The following EDIL3 variants were observed in gnomAD, a reference collection of about 807,000 sequenced individuals.
EDIL3 encodes EGF like and discoidin domains 3.
In EDIL3, 37 loss-of-function variants were observed where a neutral mutation model predicts 67.4. That is an observed-to-expected ratio of 0.55 (90% CI 0.42 to 0.72). The LOEUF (loss-of-function observed/expected upper bound fraction) is 0.72, where lower values mean the gene tolerates loss of function less well. Among genes scored for constraint, EDIL3 ranks in the 30% least tolerant of loss-of-function variants. The pLI, the probability that EDIL3 is intolerant of heterozygous loss-of-function variation, is 0.00. For missense variants in EDIL3, 527 were observed against 586.3 expected, an observed-to-expected ratio of 0.90 and a Z score of 1.04; for synonymous variants, 195 against 196.3, an observed-to-expected ratio of 0.99 and a Z score of 0.05.
chr5:84,023,255 T>G lies in EDIL3; in HGVS notation c.1137+37045A>C, dbSNP rs112335592. On this transcript the variant is annotated intron_variant, in intron 9 of 10. Coordinates refer to ENST00000296591, the MANE Select transcript of EDIL3 (RefSeq NM_005711.5). ...CAATTTTTACTTCTCAATTAAATAT[T>G]TTAAAATATAAACAAAAAGCAAACA... 5.3e-3 allele frequency among the ~76,000 whole-genome samples: 809 copies of G among 151,988 alleles called. 5 individuals carry two copies. Among genetic ancestry groups the G allele is most frequent in the African/African-American group, 0.017 (701 of 41,506 alleles).
intron 3 of EDIL3, among the ~76,000 whole-genome samples, chr5:84,202,340 G>A (rs1743861392): frequency 6.6e-6 from 1 of 152,130 alleles, no homozygotes; most frequent in African/African-American, 2.4e-5. Context: ...TTCTGGATGA[G>A]CTTTCTCCTG....
intron 4 of EDIL3, among the ~76,000 whole-genome samples, chr5:84,176,755 A>ATGTGTG (rs3046874): frequency 6.7e-6 from 1 of 149,834 alleles, no homozygotes; most frequent in Non-Finnish European, 1.5e-5. Context: ...GTGTGTATAT[A>ATGTGTG]TGTGTGTGTG....
At chr5:84,341,818 AAT>A (rs1044376554) in intron 1 of EDIL3, among the ~76,000 whole-genome samples, 90 of 152,162 alleles carry the variant, frequency 5.9e-4, no homozygotes, top group African/African-American at 2.2e-3. Context: ...ATCTAAATAT[AAT>A]ATCTCTTTTA....
intron 9 of EDIL3, among the ~76,000 whole-genome samples, chr5:84,051,049 T>G (rs1452516935): frequency 6.6e-6 from 1 of 152,196 alleles, no homozygotes; most frequent in Non-Finnish European, 1.5e-5. Flanking sequence ...GTAGCCTATC[T>G]GGGAGGCACC....
rs114215781 is a variant in EDIL3, at chr5:84,084,178, C to G, written c.652-17572G>C. Among the ~76,000 whole-genome samples the G allele has an allele frequency of 4.4e-3, 665 of 152,228 alleles. 6 individuals carry two copies. Among genetic ancestry groups the G allele is most frequent in the African/African-American group, 0.015 (610 of 41,542 alleles). On this transcript the variant is annotated intron_variant, in intron 6 of 10. Coordinates refer to ENST00000296591, the MANE Select transcript of EDIL3 (RefSeq NM_005711.5). ...AGGGAAAATATAGAGTATATCTCAT[C>G]AGTTAAAAATAGTAATTTTGCCAAA...
At chr5:84,107,926 A>C (rs947758119) in intron 5 of EDIL3, among the ~76,000 whole-genome samples, 2 of 151,060 alleles carry the variant, frequency 1.3e-5, no homozygotes, top group East Asian at 3.9e-4. Flanking sequence ...TATTTTGCCA[A>C]TTTAGATTTG....
chr5:84,107,362 G>A (rs960973069), intron 5 of EDIL3, among the ~76,000 whole-genome samples: 1 of 151,732 alleles, frequency 6.6e-6, no homozygotes, highest in African/African-American at 2.4e-5. Context: ...AAAGGGAAAT[G>A]GGTAAATCTG....
At chr5:84,365,928 C>T (rs1747723813) in intron 1 of EDIL3, among the ~76,000 whole-genome samples, 1 of 152,060 alleles carries the variant, frequency 6.6e-6, no homozygotes, top group Non-Finnish European at 1.5e-5. Context: ...TTTATCCACA[C>T]TCGAGGAATG....
chr5:84,039,827 T>C (rs1746087919), intron 9 of EDIL3, among the ~76,000 whole-genome samples: 1 of 151,822 alleles, frequency 6.6e-6, no homozygotes, highest in Non-Finnish European at 1.5e-5. Flanking sequence ...AATAATAAAA[T>C]AAAATAAAAT....
chr5:84,252,493 CAA>C lies in EDIL3; in HGVS notation c.196+1589_196+1590del, dbSNP rs70975548. Among the ~76,000 whole-genome samples, 250 of 28,936 alleles carry C rather than the reference CAA, an allele frequency of 8.6e-3. 5 individuals carry two copies. Among genetic ancestry groups the C allele is most frequent in the East Asian group, 0.044 (16 of 366 alleles). 19.0% of individuals were successfully genotyped at this position (28,936 alleles called of 152,430 possible). ...TGTGCGACAAAGTGAGACTCCGTCT[CAA>C]AAAAAAAAAAAAAAAAAAAAAAATT... is the stretch of plus-strand genomic sequence containing the variant. On this transcript the variant is annotated intron_variant, in intron 2 of 10. Transcript: ENST00000296591.
chr5:84,075,483 C>CTTCTTCTTCTTCTTCTTCTTCTTA (rs751286945), intron 6 of EDIL3, among the ~76,000 whole-genome samples: 4 of 150,974 alleles, frequency 2.6e-5, no homozygotes, highest in African/African-American at 9.8e-5. Flanking sequence ...TCTTCTTCTT[C>CTTCTTCTTCTTCTTCTTCTTCTTA]TTATTATTTT....
chr5:84,046,017 G>C lies in EDIL3; in HGVS notation c.1137+14283C>G, dbSNP rs1057506760. Among the ~76,000 whole-genome samples the C allele has an allele frequency of 3.9e-5, 6 of 152,354 alleles. No individual in the cohort carries two copies. The East Asian group carries it at 7.7e-4, about 20-fold the overall frequency. ...TAACTATGAGCAAGCTCGCTGGACA[G>C]AGCAGGGTTCTCTAAAACATAATGT... is the stretch of plus-strand genomic sequence containing the variant. On this transcript the variant is annotated intron_variant, in intron 9 of 10. Transcript: ENST00000296591.
chr5:83,960,256 A>C (rs948874555), intron 10 of EDIL3, among the ~76,000 whole-genome samples: 1 of 151,238 alleles, frequency 6.6e-6, no homozygotes, highest in Non-Finnish European at 1.5e-5. Flanking sequence ...TTCATTAAAA[A>C]ATTTTACATT....
intron 1 of EDIL3, among the ~76,000 whole-genome samples, chr5:84,379,118 G>T (rs926759055): frequency 6.6e-6 from 1 of 152,102 alleles, no homozygotes; most frequent in Non-Finnish European, 1.5e-5. Flanking sequence ...ACTGGAAACC[G>T]ACTATTTGGC....
At chr5:84,210,587 A>G (rs1744099458) in intron 3 of EDIL3, among the ~76,000 whole-genome samples, 1 of 152,172 alleles carries the variant, frequency 6.6e-6, no homozygotes, top group South Asian at 2.1e-4. Flanking sequence ...AAAAAAACAT[A>G]TAAGCATATA....
intron 2 of EDIL3, among the ~76,000 whole-genome samples, chr5:84,251,090 A>C (rs1372937706): frequency 6.6e-6 from 1 of 152,060 alleles, no homozygotes; most frequent in African/African-American, 2.4e-5. Context: ...AGCCTTGGCC[A>C]AGCCATTTAT....
intron 3 of EDIL3, among the ~76,000 whole-genome samples, chr5:84,211,585 CA>C (rs1160154116): frequency 6.6e-6 from 1 of 152,060 alleles, no homozygotes; most frequent in African/African-American, 2.4e-5. Flanking sequence ...AGAAAAGACA[CA>C]GACAAAAGCG....
intron 4 of EDIL3, among the ~76,000 whole-genome samples, chr5:84,152,392 A>G (rs1748411811): frequency 6.6e-6 from 1 of 152,218 alleles, no homozygotes; most frequent in Admixed American, 6.5e-5. Context: ...AACAATTTCC[A>G]TGGTATCCAA....
intron 5 of EDIL3, among the ~76,000 whole-genome samples, chr5:84,110,115 A>G (rs1175539104): frequency 6.6e-6 from 1 of 152,146 alleles, no homozygotes; most frequent in Non-Finnish European, 1.5e-5. Flanking sequence ...GGTGGCTTGT[A>G]CACAGGAAAA....
Sources: gnomAD v4.1 joint callset for allele counts (sites outside exome capture counted in the v4.1 genomes callset) on GRCh38, gnomAD v4.1.1 for gene constraint, MANE v1.5 for transcripts, NCBI Gene and HGNC (gene_info 2026-07-23, HGNC 2026-07-21) for gene names.